GRID2: variants seen among roughly 807,000 people sequenced by gnomAD.
The protein encoded by GRID2 is glutamate ionotropic receptor delta type subunit 2.
Under a neutral mutation model 114.8 loss-of-function variants are expected in GRID2, and 33 were observed. That is an observed-to-expected ratio of 0.29 (90% CI 0.22 to 0.38). The LOEUF (loss-of-function observed/expected upper bound fraction) is 0.38, where lower values mean the gene tolerates loss of function less well. Among genes scored for constraint, GRID2 ranks in the 10% least tolerant of loss-of-function variants. GRID2 has a pLI of 1.00. For synonymous variants in GRID2, 505 were observed against 449.9 expected (o/e 1.12, Z -1.55); for missense variants, 1,184 against 1,257.7 (o/e 0.94, Z 0.89).
chr4:92,932,934 G>A (rs1475784220), intron 2 of GRID2, among the ~76,000 whole-genome samples: 5 of 151,100 alleles, frequency 3.3e-5, no homozygotes, highest in East Asian at 1.9e-4. Flanking sequence ...GTAGAAGTGG[G>A]AATGATTGAA....
At chr4:92,692,567 A>T (rs1034820841) in intron 2 of GRID2, among the ~76,000 whole-genome samples, 2 of 152,182 alleles carry the variant, frequency 1.3e-5, no homozygotes, top group Non-Finnish European at 2.9e-5. Flanking sequence ...TAGTCAAAAT[A>T]TAGTAACTTA....
At chr4:92,847,935 T>C (rs904280307) in intron 2 of GRID2, among the ~76,000 whole-genome samples, 14 of 152,046 alleles carry the variant, frequency 9.2e-5, no homozygotes, top group African/African-American at 3.4e-4. Flanking sequence ...TGTATATGTA[T>C]ATAATAGATA....
chr4:93,160,271 T>C (rs2149406716), intron 4 of GRID2, among the ~76,000 whole-genome samples: 1 of 151,892 alleles, frequency 6.6e-6, no homozygotes, highest in African/African-American at 2.4e-5. Context: ...ATTTGTACAG[T>C]AATCAATATA....
chr4:92,760,930 A>G (rs1560576882), intron 2 of GRID2, among the ~76,000 whole-genome samples: 2 of 152,166 alleles, frequency 1.3e-5, no homozygotes, highest in Non-Finnish European at 2.9e-5. Flanking sequence ...AGGTTACCAC[A>G]GTAATATGAT....
intron 13 of GRID2, among the ~76,000 whole-genome samples, chr4:93,547,706 C>A (rs757192225): frequency 6.6e-6 from 1 of 152,140 alleles, no homozygotes; most frequent in Non-Finnish European, 1.5e-5. Flanking sequence ...ACTCTTACAT[C>A]CAGAAAGTGG....
chr4:93,243,274 G>C (rs1284977186), intron 8 of GRID2, among the ~76,000 whole-genome samples: 4 of 151,922 alleles, frequency 2.6e-5, no homozygotes, highest in Admixed American at 6.6e-5. Flanking sequence ...TTCATAGCTT[G>C]CCAGCTCATT....
At chr4:92,956,063 A>T (rs1024380249) in intron 2 of GRID2, among the ~76,000 whole-genome samples, 3 of 152,212 alleles carry the variant, frequency 2.0e-5, no homozygotes, top group African/African-American at 7.2e-5. Context: ...AAAGAAAACA[A>T]AAAACAAAAA....
chr4:92,543,158 T>A (rs1018881684), intron 1 of GRID2, among the ~76,000 whole-genome samples: 2 of 152,082 alleles, frequency 1.3e-5, no homozygotes, highest in Non-Finnish European at 2.9e-5. Context: ...AGATATATAA[T>A]ATAATATTGG....
intron 2 of GRID2, among the ~76,000 whole-genome samples, chr4:92,998,867 T>C (rs1240891973): frequency 6.6e-6 from 1 of 151,928 alleles, no homozygotes; most frequent in East Asian, 1.9e-4. Context: ...ATTGCAATCA[T>C]TTCATGGTAA....
chr4:93,461,269 GTGA>G (rs1723714363), intron 11 of GRID2, among the ~76,000 whole-genome samples: 1 of 152,034 alleles, frequency 6.6e-6, no homozygotes, highest in African/African-American at 2.4e-5. Flanking sequence ...CAATGAAAAG[GTGA>G]ATTCATTAAA....
intron 11 of GRID2, 36 bp from the exon 12 acceptor site, chr4:93,490,603 T>C: frequency 6.4e-7 from 1 of 1,554,306 alleles, no homozygotes; most frequent in Non-Finnish European, 8.8e-7. Context: ...TAAATACTAG[T>C]TGATGTTCTT....
At chr4:93,034,933 G>T (rs1724786478) in intron 2 of GRID2, among the ~76,000 whole-genome samples, 1 of 152,098 alleles carries the variant, frequency 6.6e-6, no homozygotes, top group Non-Finnish European at 1.5e-5. Flanking sequence ...CATTCTTTCA[G>T]TCGTTTTAAG....
At chr4:92,464,248 C>A (rs1487731030) in intron 1 of GRID2, among the ~76,000 whole-genome samples, 1 of 152,018 alleles carries the variant, frequency 6.6e-6, no homozygotes, top group Non-Finnish European at 1.5e-5. Context: ...AAACTGCTTT[C>A]ATCTTGCCCT....
At chr4:92,404,205 T>C (rs1373532323) in intron 1 of GRID2, among the ~76,000 whole-genome samples, 1 of 152,212 alleles carries the variant, frequency 6.6e-6, no homozygotes, top group Non-Finnish European at 1.5e-5. Context: ...GGTATGCCTA[T>C]ATTCATTTTT....
chr4:93,042,653 A>G (rs1323466878), intron 2 of GRID2, among the ~76,000 whole-genome samples: 4 of 144,542 alleles, frequency 2.8e-5, no homozygotes, highest in Non-Finnish European at 6.0e-5. Flanking sequence ...TTCTATCTCT[A>G]TATTTCTATC....
At chr4:92,700,080 T>C (rs1333693818) in intron 2 of GRID2, among the ~76,000 whole-genome samples, 1 of 152,184 alleles carries the variant, frequency 6.6e-6, no homozygotes, top group Non-Finnish European at 1.5e-5. Flanking sequence ...ATCAGGTCTT[T>C]TAGTGTAAAA....
At chr4:93,243,465 A>C (rs1421414770) in intron 8 of GRID2, among the ~76,000 whole-genome samples, 1 of 152,074 alleles carries the variant, frequency 6.6e-6, no homozygotes, top group Non-Finnish European at 1.5e-5. Flanking sequence ...ATGGTTTTTC[A>C]GTTGACGGAC....
intron 2 of GRID2, among the ~76,000 whole-genome samples, chr4:92,631,229 C>A (rs1348549023): frequency 1.3e-5 from 2 of 151,986 alleles, no homozygotes; most frequent in African/African-American, 4.8e-5. Context: ...GTCCATACAA[C>A]ACCAGAAGGA....
chr4:92,354,776 G>T (rs574000214), intron 1 of GRID2, among the ~76,000 whole-genome samples: 1 of 152,064 alleles, frequency 6.6e-6, no homozygotes, highest in Non-Finnish European at 1.5e-5. Context: ...TAGACAGTTA[G>T]AATTAGCAGA....
Sources: gnomAD v4.1 joint callset for allele counts (sites outside exome capture counted in the v4.1 genomes callset) on GRCh38, gnomAD v4.1.1 for gene constraint, MANE v1.5 for transcripts, NCBI Gene and HGNC (gene_info 2026-07-23, HGNC 2026-07-21) for gene names.